The following MAP6D1 variants were observed in gnomAD, a reference collection of about 807,000 sequenced individuals.
MAP6D1 encodes the protein MAP6 domain containing 1, also known as MAP6 domain-containing protein 1.
In MAP6D1, 13 loss-of-function variants were observed where a neutral mutation model predicts 17.4. That is an observed-to-expected ratio of 0.75 (90% CI 0.49 to 1.19). The LOEUF (loss-of-function observed/expected upper bound fraction) is 1.19, where lower values mean the gene tolerates loss of function less well. Among genes scored for constraint, MAP6D1 ranks in the 50% most tolerant of loss-of-function variants. MAP6D1 has a pLI of 0.00. For synonymous variants in MAP6D1, 141 were observed against 145.7 expected (o/e 0.97, Z 0.23); for missense variants, 313 against 312.6 (o/e 1.00, Z -0.01).
intron 1 of MAP6D1, among the ~76,000 whole-genome samples, chr3:183,820,783 T>C (rs1190410777): frequency 3.3e-5 from 5 of 151,168 alleles, no homozygotes; most frequent in African/African-American, 1.2e-4. Flanking sequence ...GGCGGGCGCC[T>C]GTAGTCCCAG....
At position 183,817,266 on chromosome 3, in the gene MAP6D1, C is replaced by G. The variant is rs186767933; in HGVS notation, c.*90G>C. On this transcript the variant is annotated 3_prime_UTR_variant, in exon 3 of 3. Coordinates refer to ENST00000318631, the MANE Select transcript of MAP6D1 (RefSeq NM_024871.4). ...CTGTGCCCTCCCGCAGGGGCCCATGCCATGCTCTCGCCCAGCCCCGCGGCA... is the reference window on the plus strand; with the variant it reads ...CTGTGCCCTCCCGCAGGGGCCCATGGCATGCTCTCGCCCAGCCCCGCGGCA... 117 of 1,327,210 alleles carry G rather than the reference C, an allele frequency of 8.8e-5. No homozygotes were observed. In the East Asian group the frequency reaches 1.7e-3, roughly 19 times the overall value. The allele number at this position is 1,327,210 out of a possible 1,614,324, so 82.2% of individuals were successfully genotyped here. A position where few individuals can be genotyped will look rare whatever the true frequency, so the allele number is the denominator to read the frequency against.
At chr3:183,819,811 G>A (rs1379116173) in intron 1 of MAP6D1, among the ~76,000 whole-genome samples, 1 of 152,244 alleles carries the variant, frequency 6.6e-6, no homozygotes, top group Non-Finnish European at 1.5e-5. Context: ...GCTGACCCAT[G>A]TGCCTGAGGC....
At position 183,817,975 on chromosome 3, in the gene MAP6D1, A is replaced by G. The variant is rs897604; in HGVS notation, c.519+19T>C. ...AGGCCTCTATACCCACACCCCTGCT[A>G]CACCAGCTTCCGGCTGACCTGGAAG... On this transcript the variant is annotated intron_variant, in intron 2 of 2. Coordinates refer to ENST00000318631, the MANE Select transcript of MAP6D1 (RefSeq NM_024871.4). 825,983 of 1,594,238 alleles carry G rather than the reference A, an allele frequency of 0.52. 215,768 individuals are homozygous for G. Among genetic ancestry groups the G allele is most frequent in the East Asian group, 0.65 (29,147 of 44,766 alleles).
Position 183,818,036 on chromosome 3 carries a change from G to A in MAP6D1, c.477C>T (p.Thr159=), listed in dbSNP as rs369292444. 7.4e-6 allele frequency: 12 copies of A among 1,614,088 alleles called. No homozygotes were observed. In the African/African-American group the frequency reaches 1.2e-4, roughly 16 times the overall value. The change falls in exon 2 of 3, where the codon ACC becomes ACT. Residue 159 remains threonine, a synonymous_variant. Coordinates refer to ENST00000318631, the MANE Select transcript of MAP6D1 (RefSeq NM_024871.4). ...TKTKPARVIT[T]HTSGWDSSPG... ...GGCTGCTGTCCCATCCCGAAGTGTG[G>A]GTTGTGATGACTCGGGCTGGTTTTG...
At chr3:183,817,513 G>C in intron 2 of MAP6D1, 77 bp from the exon 3 acceptor site, 1 of 1,325,950 alleles carries the variant, frequency 7.5e-7, no homozygotes, top group East Asian at 2.5e-5. Flanking sequence ...CCAGCTCCAG[G>C]AAAAAATCCC....
At chr3:183,819,515 C>T (rs1159724851) in intron 1 of MAP6D1, among the ~76,000 whole-genome samples, 2 of 152,200 alleles carry the variant, frequency 1.3e-5, no homozygotes, top group Non-Finnish European at 2.9e-5. Context: ...TGGCGGCCGC[C>T]AGAGGAGGAA....
chr3:183,820,154 C>T (rs1484517812), intron 1 of MAP6D1: 1 of 152,244 alleles, frequency 6.6e-6, no homozygotes, highest in South Asian at 2.1e-4. Context: ...AGCTGAGGCC[C>T]GGGGATCCTG....
intron 1 of MAP6D1, among the ~76,000 whole-genome samples, chr3:183,818,366 C>G (rs9877674): frequency 1.3e-5 from 2 of 152,238 alleles, no homozygotes; most frequent in African/African-American, 4.8e-5. Flanking sequence ...GGGCTCACCC[C>G]GGTCCCTAAG....
intron 1 of MAP6D1, among the ~76,000 whole-genome samples, chr3:183,819,399 C>T (rs1727194198): frequency 6.6e-6 from 1 of 152,248 alleles, no homozygotes; most frequent in Non-Finnish European, 1.5e-5. Flanking sequence ...AAACACTTCA[C>T]ATGCCCACGC....
chr3:183,824,647 C>T (rs1311231346), intron 1 of MAP6D1, among the ~76,000 whole-genome samples: 2 of 152,372 alleles, frequency 1.3e-5, no homozygotes, highest in Middle Eastern at 3.4e-3. Flanking sequence ...GTGGGGAGGG[C>T]CCGCGGACCC....
chr3:183,825,104 AC>A, intron 1 of MAP6D1, 42 bp downstream of exon 1: 1 of 1,325,920 alleles, frequency 7.5e-7, no homozygotes, highest in South Asian at 2.1e-5. Context: ...GCGTCCTCCC[AC>A]CACAGGGTGG....
chr3:183,821,478 C>G (rs1188396084), intron 1 of MAP6D1, among the ~76,000 whole-genome samples: 2 of 151,754 alleles, frequency 1.3e-5, no homozygotes, highest in African/African-American at 4.8e-5. Context: ...TTCACCGTCA[C>G]CAGAGCTGGG....
chr3:183,821,541 C>CT (rs59131602), intron 1 of MAP6D1, among the ~76,000 whole-genome samples: 51,664 of 97,998 alleles, frequency 0.53, 14,504 homozygotes, highest in African/African-American at 0.6. Context: ...TGAGGGATTG[C>CT]TTTTTTTTTT....
intron 1 of MAP6D1, among the ~76,000 whole-genome samples, chr3:183,821,541 CTTTTTTTTTTTTT>C (rs59131602): frequency 1.0e-5 from 1 of 98,124 alleles, no homozygotes; most frequent in Non-Finnish European, 1.9e-5. Flanking sequence ...TGAGGGATTG[CTTTTTTTTTTTTT>C]TTTTTTTTTG....
rs552622624 is a variant in MAP6D1 at position 183,818,088 on chromosome 3, C to G, written c.425G>C (p.Gly142Ala). Residue 142 changes from glycine to alanine, a missense_variant, in exon 2 of 3, where the codon GGA (glycine) becomes GCA (alanine). By Grantham distance (60) the Gly-to-Ala change is moderately conservative (BLOSUM62 0). Coordinates refer to ENST00000318631, the MANE Select transcript of MAP6D1 (RefSeq NM_024871.4). ...SYRQEFQAWTGVKPSRSTKTK... is the reference protein window; with the variant it reads ...SYRQEFQAWTAVKPSRSTKTK... ...CTTTGTGGATCTTGAGGGCTTCACT[C>G]CAGTCCAAGCCTGGAATTCCTGTCT... is the stretch of plus-strand genomic sequence containing the variant. 56 of 1,614,140 alleles carry G rather than the reference C, an allele frequency of 3.5e-5. No individual in the cohort carries two copies. In the South Asian group the frequency reaches 5.7e-4, roughly 16 times the overall value.
Position 183,816,716 on chromosome 3 carries a change from GTCAT to G in MAP6D1, c.*636_*639del, listed in dbSNP as rs1359426584. 2 of 153,034 alleles carry G rather than the reference GTCAT, an allele frequency of 1.3e-5. No homozygotes were observed. Among genetic ancestry groups the G allele is most frequent in the Non-Finnish European group, 2.9e-5 (2 of 68,628 alleles). 9.5% of individuals were successfully genotyped at this position (153,034 alleles called of 1,614,324 possible). A position where few individuals can be genotyped will look rare whatever the true frequency, so the allele number is the denominator to read the frequency against. ...AGAACCTAGCACAAGGTAAATGTGA[GTCAT>G]TCAATCCCAAGAACTGTTTTGTTAA... On this transcript the variant is annotated 3_prime_UTR_variant, in exon 3 of 3. Transcript: ENST00000318631.
chr3:183,821,164 C>G (rs1727245845), intron 1 of MAP6D1, among the ~76,000 whole-genome samples: 1 of 152,046 alleles, frequency 6.6e-6, no homozygotes, highest in Admixed American at 6.6e-5. Context: ...AGAACCCCAA[C>G]AAGCCCCGAC....
At chr3:183,823,616 C>T (rs932229437) in intron 1 of MAP6D1, among the ~76,000 whole-genome samples, 2 of 150,944 alleles carry the variant, frequency 1.3e-5, no homozygotes, top group Admixed American at 1.3e-4. Context: ...AGAAAAAAAT[C>T]AAAAATAAAA....
At chr3:183,822,554 C>T (rs1727285433) in intron 1 of MAP6D1, among the ~76,000 whole-genome samples, 2 of 152,210 alleles carry the variant, frequency 1.3e-5, no homozygotes, top group South Asian at 4.1e-4. Context: ...ACAAATGTAA[C>T]CACTTGGGTA....
Sources: allele counts gnomAD v4.1 joint callset (sites outside exome capture counted in the v4.1 genomes callset), GRCh38; gene constraint gnomAD v4.1.1; transcripts MANE v1.5; gene names NCBI Gene and HGNC (gene_info 2026-07-23, HGNC 2026-07-21).